The following LIMS4 variants were observed in gnomAD, a reference collection of about 807,000 sequenced individuals.
The protein encoded by LIMS4 is LIM and senescent cell antigen-like-containing domain protein 4.
At chr2:110,411,316 A>T in the LIMS4 span, among the ~76,000 whole-genome samples, 1 of 134,790 alleles carries the variant, frequency 7.4e-6, no homozygotes, top group Non-Finnish European at 1.5e-5. Flanking sequence ...AGTTCCCAGG[A>T]CATGCTTAGA....
the LIMS4 span, among the ~76,000 whole-genome samples, chr2:110,382,138 T>C: frequency 1.0e-5 from 1 of 96,232 alleles, no homozygotes; most frequent in Non-Finnish European, 1.8e-5. Flanking sequence ...TATATATATA[T>C]ATATATATAT....
chr2:110,419,656 CA>C, the LIMS4 span, among the ~76,000 whole-genome samples: 383 of 8,160 alleles, frequency 0.047, 61 homozygotes, highest in African/African-American at 0.3. Context: ...ACAACAACAA[CA>C]AAAAAAAAAA....
At chr2:110,425,099 A>G in the LIMS4 span, among the ~76,000 whole-genome samples, 6 of 142,442 alleles carry the variant, frequency 4.2e-5, 1 homozygote, top group African/African-American at 6.0e-5. Flanking sequence ...AACACTCACC[A>G]GCAAGGTCCA....
the LIMS4 span, among the ~76,000 whole-genome samples, chr2:110,389,723 C>T: frequency 7.2e-6 from 1 of 139,472 alleles, no homozygotes; most frequent in South Asian, 2.3e-4. Flanking sequence ...CCCACAGACA[C>T]GCACAAGCTG....
chr2:110,381,980 T>A, the LIMS4 span, among the ~76,000 whole-genome samples: 2 of 57,202 alleles, frequency 3.5e-5, no homozygotes, highest in African/African-American at 1.0e-4. Flanking sequence ...GGCAGGAGAA[T>A]CACTTAAACC....
the LIMS4 span, among the ~76,000 whole-genome samples, chr2:110,373,021 GA>G: frequency 7.9e-6 from 1 of 127,306 alleles, no homozygotes; most frequent in Non-Finnish European, 1.5e-5. Context: ...ATTAAGACAG[GA>G]AAAGAAAGAA....
chr2:110,391,235 C>T, the LIMS4 span, among the ~76,000 whole-genome samples: 8 of 148,544 alleles, frequency 5.4e-5, no homozygotes, highest in East Asian at 4.0e-4. Context: ...CTGCCCCACC[C>T]GTAACCGCCC....
At chr2:110,386,716 G>C in the LIMS4 span, 1 of 836,146 alleles carries the variant, frequency 1.2e-6, no homozygotes, top group Non-Finnish European at 1.9e-6. Flanking sequence ...GAGCGTGGCT[G>C]CTGGGCTTGT....
At chr2:110,395,950 T>G in the LIMS4 span, among the ~76,000 whole-genome samples, 6 of 141,118 alleles carry the variant, frequency 4.3e-5, no homozygotes, top group Non-Finnish European at 9.0e-5. Flanking sequence ...TAAAGAGACA[T>G]GCACTACTGA....
chr2:110,390,234 G>A, the LIMS4 span, among the ~76,000 whole-genome samples: 36 of 140,366 alleles, frequency 2.6e-4, 2 homozygotes, highest in East Asian at 7.1e-3. Flanking sequence ...AGGCAGGGTG[G>A]TTGATGCACT....
At chr2:110,391,319 G>A in the LIMS4 span, among the ~76,000 whole-genome samples, 1 of 134,822 alleles carries the variant, frequency 7.4e-6, no homozygotes, top group Non-Finnish European at 1.6e-5. Flanking sequence ...TCAGGGGGCT[G>A]GACTGAGGTC....
At chr2:110,367,600 G>A in the LIMS4 span, among the ~76,000 whole-genome samples, 1 of 142,080 alleles carries the variant, frequency 7.0e-6, no homozygotes, top group Admixed American at 6.8e-5. Flanking sequence ...AGACTTAAAT[G>A]TAAGACTTCG....
the LIMS4 span, among the ~76,000 whole-genome samples, chr2:110,359,665 C>A: frequency 9.8e-6 from 1 of 102,334 alleles, no homozygotes; most frequent in African/African-American, 3.6e-5. Context: ...ATTTTTTTTT[C>A]TATCAAGAGC....
At chr2:110,382,065 C>CAAAAA in the LIMS4 span, among the ~76,000 whole-genome samples, 1 of 10,084 alleles carries the variant, frequency 9.9e-5, no homozygotes, top group Non-Finnish European at 1.7e-4. Context: ...GACTCCGTCT[C>CAAAAA]AAAAAAAAAA....
the LIMS4 span, among the ~76,000 whole-genome samples, chr2:110,367,712 A>G: frequency 6.8e-6 from 1 of 147,528 alleles, no homozygotes; most frequent in African/African-American, 2.7e-5. Context: ...CCCCACGTTT[A>G]CCAAAAAAAA....
At chr2:110,443,064 CTT>C (rs1397613608), downstream of LIMS4, among the ~76,000 whole-genome samples, 2 of 110,426 alleles carry the variant, frequency 1.8e-5, no homozygotes, top group Admixed American at 9.5e-5. Flanking sequence ...TTTTCTTTTT[CTT>C]TTTTTTTTTT....
the LIMS4 span, chr2:110,376,184 T>C: frequency 2.9e-5 from 4 of 135,648 alleles, 1 homozygote; most frequent in East Asian, 8.0e-4. Context: ...TTCAACTTTT[T>C]TTTATATTTA....
At chr2:110,372,746 G>A in the LIMS4 span, among the ~76,000 whole-genome samples, 4 of 148,800 alleles carry the variant, frequency 2.7e-5, no homozygotes, top group Admixed American at 6.6e-5. Context: ...CCTCAAGTGA[G>A]CCACCTGCTT....
the LIMS4 span, among the ~76,000 whole-genome samples, chr2:110,392,909 AC>A: frequency 1.6e-5 from 1 of 61,226 alleles, no homozygotes; most frequent in Non-Finnish European, 3.1e-5. Flanking sequence ...GCTTACAGAG[AC>A]CCCCCCTAGG....
Sources: allele counts gnomAD v4.1 joint callset (sites outside exome capture counted in the v4.1 genomes callset), GRCh38; gene constraint gnomAD v4.1.1; transcripts MANE v1.5; gene names NCBI Gene and HGNC (gene_info 2026-07-23, HGNC 2026-07-21).